The following RAB3C variants were observed in gnomAD, a reference collection of about 807,000 sequenced individuals.
The protein encoded by RAB3C is RAB3C, member RAS oncogene family.
A neutral mutation model predicts 26.4 loss-of-function variants in RAB3C; 17 were observed. The ratio of observed to expected loss-of-function variants is 0.64; its 90% CI spans 0.44 to 0.97. The LOEUF is 0.97. Among genes scored for constraint, RAB3C ranks in the 50% least tolerant of loss-of-function variants. The probability of loss-of-function intolerance (pLI) is 0.00; values close to 1 mark genes in which losing one functional copy is unlikely to be tolerated. For synonymous variants in RAB3C, 91 were observed against 95.9 expected, an observed-to-expected ratio of 0.95 and a Z score of 0.30; for missense variants, 242 against 281.9, an observed-to-expected ratio of 0.86 and a Z score of 1.01.
chr5:58,687,457 TA>T (rs1337180199), intron 2 of RAB3C, among the ~76,000 whole-genome samples: 1 of 152,098 alleles, frequency 6.6e-6, no homozygotes, highest in Admixed American at 6.6e-5. Context: ...AATTGTGGAC[TA>T]AAAACAACAA....
At chr5:58,673,628 C>T (rs1748167459) in intron 2 of RAB3C, among the ~76,000 whole-genome samples, 1 of 152,118 alleles carries the variant, frequency 6.6e-6, no homozygotes, top group African/African-American at 2.4e-5. Context: ...TTTCCACTGC[C>T]CTCTTTTACC....
intron 1 of RAB3C, among the ~76,000 whole-genome samples, chr5:58,596,281 T>C (rs948748895): frequency 6.6e-6 from 1 of 151,880 alleles, no homozygotes; most frequent in Admixed American, 6.6e-5. Context: ...TGTGAGGTTT[T>C]TCAGCAGGCT....
intron 3 of RAB3C, among the ~76,000 whole-genome samples, chr5:58,747,795 T>C (rs1741431241): frequency 1.3e-5 from 2 of 151,760 alleles, no homozygotes; most frequent in Admixed American, 1.3e-4. Flanking sequence ...TTATTTTCCA[T>C]AACAGCAAGG....
intron 2 of RAB3C, among the ~76,000 whole-genome samples, chr5:58,716,656 G>A (rs1349485477): frequency 2.0e-5 from 3 of 151,856 alleles, no homozygotes; most frequent in Admixed American, 2.0e-4. Context: ...TTGGTAGTTT[G>A]CTCGGTAAAA....
chr5:58,702,955 G>A (rs1409141108), intron 2 of RAB3C, among the ~76,000 whole-genome samples: 1 of 152,150 alleles, frequency 6.6e-6, no homozygotes, highest in Non-Finnish European at 1.5e-5. Context: ...GTGAGTATAA[G>A]TTATAACCAG....
In RAB3C at chr5:58,638,508, C is replaced by G. The variant is rs1466107618; in HGVS notation, c.252+20638C>G. ...AAAATAAATGTATCCAAAAGACAAGCCATACTAATGTTAAAACCATTATAA... is the reference window on the plus strand; with the variant it reads ...AAAATAAATGTATCCAAAAGACAAGGCATACTAATGTTAAAACCATTATAA... On this transcript the variant is annotated intron_variant, in intron 2 of 4. Coordinates refer to ENST00000282878, the MANE Select transcript of RAB3C (RefSeq NM_138453.4). 3.3e-5 allele frequency among the ~76,000 whole-genome samples: 5 copies of G among 152,102 alleles called. No homozygotes were observed. The East Asian group carries it at 9.7e-4, about 29-fold the overall frequency.
At chr5:58,626,040 A>G (rs1429210485) in intron 2 of RAB3C, among the ~76,000 whole-genome samples, 2 of 152,236 alleles carry the variant, frequency 1.3e-5, no homozygotes, top group East Asian at 3.9e-4. Flanking sequence ...AAAGAACATG[A>G]AAGATAAGCC....
intron 1 of RAB3C, among the ~76,000 whole-genome samples, chr5:58,602,115 A>C (rs1746471901): frequency 6.6e-6 from 1 of 152,076 alleles, no homozygotes; most frequent in Admixed American, 6.6e-5. Context: ...CCCAGTGTTC[A>C]TTCAGGAGCA....
chr5:58,850,841 C>T lies in RAB3C; in HGVS notation c.497-323C>T, dbSNP rs138139835. ...ATAGATTTGGTATTGAGGATTCTTA[C>T]TGTTGTCATTACTAACTCTTGCAAT... On this transcript the variant is annotated intron_variant, in intron 4 of 4. Transcript: ENST00000282878. 1.4e-3 allele frequency among the ~76,000 whole-genome samples: 212 copies of T among 152,300 alleles called. 4 individuals carry two copies. The highest frequency in any genetic ancestry group is 4.7e-3 in the African/African-American group (196 of 41,564).
chr5:58,807,220 AC>A (rs1280596079), intron 3 of RAB3C, among the ~76,000 whole-genome samples: 1 of 152,348 alleles, frequency 6.6e-6, no homozygotes, highest in East Asian at 1.9e-4. Flanking sequence ...AGACAAAAAA[AC>A]ATCATGGCCT....
chr5:58,704,875 ATTAG>A (rs1748913853), intron 2 of RAB3C, among the ~76,000 whole-genome samples: 1 of 152,204 alleles, frequency 6.6e-6, no homozygotes, highest in Non-Finnish European at 1.5e-5. Flanking sequence ...CTTGTTCACC[ATTAG>A]TTAGCACAAT....
intron 3 of RAB3C, chr5:58,823,850 A>G (rs1453851755): frequency 6.8e-6 from 1 of 147,028 alleles, no homozygotes; most frequent in Non-Finnish European, 1.5e-5. Context: ...AGCATTAGGT[A>G]TATCTCCTAA....
intron 3 of RAB3C, among the ~76,000 whole-genome samples, chr5:58,749,827 A>G (rs1203476191): frequency 6.6e-6 from 1 of 152,134 alleles, no homozygotes; most frequent in Non-Finnish European, 1.5e-5. Flanking sequence ...TATTTTAGTA[A>G]AACAAACAAC....
intron 2 of RAB3C, among the ~76,000 whole-genome samples, chr5:58,643,143 G>A (rs1747445321): frequency 6.6e-6 from 1 of 152,174 alleles, no homozygotes. Flanking sequence ...ATATCATAAA[G>A]AATCTGATAC....
chr5:58,672,324 C>T (rs1269409889), intron 2 of RAB3C, among the ~76,000 whole-genome samples: 1 of 152,186 alleles, frequency 6.6e-6, no homozygotes, highest in Non-Finnish European at 1.5e-5. Flanking sequence ...GCACTCTCTC[C>T]TTTAGACTCT....
intron 2 of RAB3C, among the ~76,000 whole-genome samples, chr5:58,619,379 A>G (rs954726094): frequency 1.3e-5 from 2 of 152,150 alleles, no homozygotes; most frequent in African/African-American, 4.8e-5. Context: ...TGCTTCAAGT[A>G]TGGGTCCTGA....
intron 1 of RAB3C, among the ~76,000 whole-genome samples, chr5:58,589,345 G>C (rs1177621940): frequency 3.3e-5 from 5 of 151,980 alleles, no homozygotes; most frequent in Admixed American, 3.3e-4. Context: ...TTTTGCATTA[G>C]TCATGATGGA....
intron 3 of RAB3C, among the ~76,000 whole-genome samples, chr5:58,778,344 C>CA (rs1742195666): frequency 6.6e-6 from 1 of 152,122 alleles, no homozygotes; most frequent in Admixed American, 6.6e-5. Context: ...ATCAGTTTTA[C>CA]AAATTGTCAA....
intron 2 of RAB3C, among the ~76,000 whole-genome samples, chr5:58,622,881 GACC>G (rs1286347378): frequency 1.3e-5 from 2 of 152,284 alleles, no homozygotes; most frequent in Admixed American, 1.3e-4. Context: ...CCATGTACTT[GACC>G]ACATGGTAGA....
Sources: allele counts gnomAD v4.1 joint callset (sites outside exome capture counted in the v4.1 genomes callset), GRCh38; gene constraint gnomAD v4.1.1; transcripts MANE v1.5; gene names NCBI Gene and HGNC (gene_info 2026-07-23, HGNC 2026-07-21).